HECW1: variants seen among roughly 807,000 people sequenced by gnomAD.
HECW1 encodes E3 ubiquitin-protein ligase HECW1.
HECW1 carries 61 observed loss-of-function variants against 182.3 expected under a neutral mutation model. That is an observed-to-expected ratio of 0.33 (90% CI 0.27 to 0.41). The LOEUF is 0.41. Among genes scored for constraint, HECW1 ranks in the 10% least tolerant of loss-of-function variants. The pLI is 1.00. For synonymous variants in HECW1, 859 were observed against 832.6 expected (o/e 1.03, Z -0.55); for missense variants, 1,739 against 2,108.9 (o/e 0.82, Z 3.44).
intron 2 of HECW1, among the ~76,000 whole-genome samples, chr7:43,202,749 G>A (rs913120015): frequency 6.6e-6 from 1 of 152,160 alleles, no homozygotes; most frequent in Non-Finnish European, 1.5e-5. Flanking sequence ...CATATCCCCT[G>A]TGACCTGCAT....
chr7:43,225,981 C>T (rs889424391), intron 2 of HECW1, among the ~76,000 whole-genome samples: 14 of 152,040 alleles, frequency 9.2e-5, no homozygotes, highest in Admixed American at 6.6e-4. Context: ...GTATGTTGCC[C>T]AGGCTGGTCT....
intron 2 of HECW1, among the ~76,000 whole-genome samples, chr7:43,213,778 A>G (rs1032825002): frequency 1.3e-5 from 2 of 152,200 alleles, no homozygotes; most frequent in Admixed American, 1.3e-4. Flanking sequence ...TTAAATCTTT[A>G]TACATATTTT....
At chr7:43,180,367 GTTTTATTTTATTA>G (rs1044790583) in intron 2 of HECW1, among the ~76,000 whole-genome samples, 5 of 140,928 alleles carry the variant, frequency 3.5e-5, no homozygotes, top group Admixed American at 7.1e-5. Flanking sequence ...TGCTTTCTAA[GTTTTATTTTATTA>G]TTTTATTTTT....
chr7:43,373,221 T>C (rs1382281964), intron 6 of HECW1, among the ~76,000 whole-genome samples: 5 of 121,088 alleles, frequency 4.1e-5, no homozygotes, highest in Non-Finnish European at 5.3e-5. Context: ...TTTTTTTTTT[T>C]CTTTTTGAGA....
intron 14 of HECW1, among the ~76,000 whole-genome samples, chr7:43,466,189 G>A (rs552738096): frequency 3.8e-4 from 57 of 150,894 alleles, no homozygotes; most frequent in African/African-American, 1.4e-3. Context: ...AGGGAGGGAG[G>A]GAAAAGAAAA....
At position 43,120,943 on chromosome 7, in the gene HECW1, C is replaced by T. The variant is rs192573678; in HGVS notation, c.-32+6552C>T. On this transcript the variant is annotated intron_variant, in intron 2 of 29. Coordinates refer to ENST00000395891, the MANE Select transcript of HECW1 (RefSeq NM_015052.5). ...CTGGGATTACAGGTGTGAGCCACCACGCCTGGGCAGATAAAACCCCCCTAA... is the reference window on the plus strand; with the variant it reads ...CTGGGATTACAGGTGTGAGCCACCATGCCTGGGCAGATAAAACCCCCCTAA... Among the ~76,000 whole-genome samples, 12 of 152,220 alleles carry T rather than the reference C, an allele frequency of 7.9e-5. No individual in the cohort carries two copies. The South Asian group carries it at 1.0e-3, about 13-fold the overall frequency.
intron 4 of HECW1, among the ~76,000 whole-genome samples, chr7:43,313,530 T>A (rs953017617): frequency 6.6e-6 from 1 of 152,084 alleles, no homozygotes; most frequent in African/African-American, 2.4e-5. Flanking sequence ...ACAGACAGGG[T>A]TTCTCCATGT....
chr7:43,331,572 G>A (rs2189690), intron 5 of HECW1, among the ~76,000 whole-genome samples: 9,373 of 149,246 alleles, frequency 0.063, 509 homozygotes, highest in East Asian at 0.19. Flanking sequence ...CAGCCTGGGC[G>A]ACAGAGCAAG....
intron 6 of HECW1, among the ~76,000 whole-genome samples, chr7:43,389,331 G>T (rs776281162): frequency 4.6e-5 from 7 of 152,320 alleles, no homozygotes; most frequent in Non-Finnish European, 8.8e-5. Context: ...CAGTCCTTCT[G>T]GGGGTGGGCC....
intron 13 of HECW1, 52 bp downstream of exon 13, chr7:43,456,499 G>T (rs760557097): frequency 3.8e-5 from 59 of 1,554,094 alleles, no homozygotes; most frequent in Non-Finnish European, 4.9e-5. Flanking sequence ...AAAGGAGAAT[G>T]GCAGCTAGAG....
intron 14 of HECW1, among the ~76,000 whole-genome samples, chr7:43,465,084 G>A (rs763165891): frequency 2.6e-4 from 39 of 152,144 alleles, no homozygotes; most frequent in Non-Finnish European, 4.6e-4. Flanking sequence ...TTACAGGCAC[G>A]AGACATCACA....
chr7:43,299,656 A>G (rs1806484872), intron 3 of HECW1, among the ~76,000 whole-genome samples: 1 of 152,214 alleles, frequency 6.6e-6, no homozygotes, highest in Non-Finnish European at 1.5e-5. Flanking sequence ...TATGTTAAAG[A>G]ATTTCAGCAG....
chr7:43,456,241 A>G, intron 12 of HECW1, 56 bp from the exon 13 acceptor site: 3 of 1,539,284 alleles, frequency 1.9e-6, no homozygotes, highest in Non-Finnish European at 2.7e-6. Flanking sequence ...TATGTGTTTC[A>G]CGTGGGTCAG....
At chr7:43,219,882 TACCACAA>T (rs1486447309) in intron 2 of HECW1, among the ~76,000 whole-genome samples, 2 of 152,178 alleles carry the variant, frequency 1.3e-5, no homozygotes, top group Non-Finnish European at 2.9e-5. Flanking sequence ...CCTCCCTTAC[TACCACAA>T]AAGGTTCTTT....
At chr7:43,266,778 G>T (rs779037627) in intron 3 of HECW1, among the ~76,000 whole-genome samples, 6 of 151,966 alleles carry the variant, frequency 3.9e-5, no homozygotes, top group Non-Finnish European at 8.8e-5. Context: ...TCTCAAACTG[G>T]ACCAAACTAC....
At chr7:43,502,796 G>T (rs1398851906) in intron 21 of HECW1, among the ~76,000 whole-genome samples, 1 of 152,182 alleles carries the variant, frequency 6.6e-6, no homozygotes, top group Non-Finnish European at 1.5e-5. Flanking sequence ...TTATCACATT[G>T]TTGTAGGTTT....
rs775404671 is a variant in HECW1 at position 43,444,909 on chromosome 7, A to AGAGGAGGAGGACGGCGCG, written c.1747_1764dup (p.Asp583_Glu588dup). 6.2e-6 allele frequency: 10 copies of AGAGGAGGAGGACGGCGCG among 1,601,626 alleles called. No homozygotes were observed. The highest frequency in any genetic ancestry group is 1.7e-5 in the Admixed American group (1 of 59,336). ...CCTCCGCCCAGGGCGGCAGCGCGGC[A>AGAGGAGGAGGACGGCGCG]GAGGAGGAGGACGGCGCGGAGGAGG... On this transcript the variant is annotated inframe_insertion, in exon 11 of 30. Transcript: ENST00000395891. The surrounding 1 kb of genome is among the most constrained non-coding windows in gnomAD (Gnocchi z 4.3).
intron 18 of HECW1, among the ~76,000 whole-genome samples, chr7:43,492,586 C>A (rs544205525): frequency 6.6e-6 from 1 of 152,232 alleles, no homozygotes; most frequent in African/African-American, 2.4e-5. Context: ...CCATTCCTAA[C>A]TTCAGCCACC....
Position 43,493,171 on chromosome 7 carries a change from A to G in HECW1, c.3428A>G (p.His1143Arg). ...CGTCAGCCAAGCTTAGCAAGAAACC[A>G]CACACTCAGGTAAGCCTCGCCCCTC... ...QERQPSLARN[H>R]TLREKIHYIR... Residue 1143 changes from histidine (H) to arginine (R), a missense_variant, in exon 19 of 30, where the codon CAC (histidine) becomes CGC (arginine). His to Arg is a conservative substitution (Grantham distance 29). Coordinates refer to ENST00000395891, the MANE Select transcript of HECW1 (RefSeq NM_015052.5). 1.2e-6 allele frequency: 2 copies of G among 1,612,210 alleles called. No homozygotes were observed. The highest frequency in any genetic ancestry group is 1.7e-6 in the Non-Finnish European group (2 of 1,178,468).
Sources: gnomAD v4.1 joint callset for allele counts (sites outside exome capture counted in the v4.1 genomes callset) on GRCh38, gnomAD v4.1.1 for gene constraint, Gnocchi (gnomAD v3.1) non-coding constraint, MANE v1.5 for transcripts, NCBI Gene and HGNC (gene_info 2026-07-23, HGNC 2026-07-21) for gene names.